SSBP3: variants seen among roughly 807,000 people sequenced by gnomAD.
The protein encoded by SSBP3 is single-stranded DNA-binding protein 3.
A neutral mutation model predicts 69.6 loss-of-function variants in SSBP3; 5 were observed. That is an observed-to-expected ratio of 0.07 (90% CI 0.04 to 0.15). The LOEUF (loss-of-function observed/expected upper bound fraction) is 0.15. Ranked by LOEUF, SSBP3 falls within the 10% of genes least tolerant of loss-of-function variation. The pLI, the probability that SSBP3 is intolerant of heterozygous loss-of-function variation, is 1.00. For missense variants in SSBP3, 312 were observed against 534.0 expected (o/e 0.58, Z 4.10); for synonymous variants, 196 against 193.4 (o/e 1.01, Z -0.11).
intron 4 of SSBP3, among the ~76,000 whole-genome samples, chr1:54,339,478 T>C (rs546276763): frequency 9.4e-4 from 143 of 152,206 alleles, no homozygotes; most frequent in Non-Finnish European, 1.7e-3. Context: ...AAAACAGGAA[T>C]GATAGCAGTA....
intron 4 of SSBP3, among the ~76,000 whole-genome samples, chr1:54,327,217 A>AGG (rs1300749001): frequency 5.2e-5 from 7 of 134,066 alleles, no homozygotes; most frequent in African/African-American, 2.1e-4. Flanking sequence ...AAGAGAGGGA[A>AGG]AAGGAAGGAA....
intron 9 of SSBP3, among the ~76,000 whole-genome samples, chr1:54,244,536 T>C (rs1644701028): frequency 6.6e-6 from 1 of 152,218 alleles, no homozygotes; most frequent in Non-Finnish European, 1.5e-5. Flanking sequence ...CGTGAGCCAC[T>C]GTGCCCAGCC....
intron 1 of SSBP3, among the ~76,000 whole-genome samples, chr1:54,405,225 TC>T (rs1030184940): frequency 1.3e-5 from 2 of 152,124 alleles, no homozygotes; most frequent in Non-Finnish European, 2.9e-5. Flanking sequence ...CGCAAGCCAC[TC>T]GACCCCACAG....
chr1:54,241,729 C>T (rs966334821), intron 11 of SSBP3, among the ~76,000 whole-genome samples: 4 of 152,234 alleles, frequency 2.6e-5, no homozygotes, highest in Non-Finnish European at 5.9e-5. Context: ...ACTCCCCAGT[C>T]CTGGGAGGGA....
In SSBP3 at chr1:54,364,169, T is replaced by C. The variant is rs865993354; in HGVS notation, c.276+37692A>G. On this transcript the variant is annotated intron_variant, in intron 4 of 17. Transcript: ENST00000610401. The stretch of plus-strand genomic sequence containing the variant: ...TTTTATTGGGACACAACCACACCCA[T>C]TCATTTCTGTCCTGTCTATGGCTGA... 2.6e-5 allele frequency among the ~76,000 whole-genome samples: 4 copies of C among 152,224 alleles called. No homozygotes were observed. In the South Asian group the frequency reaches 6.2e-4, roughly 24 times the overall value.
chr1:54,241,056 C>T (rs1443364670), intron 12 of SSBP3, 97 bp from the exon 13 acceptor site: 4 of 1,358,838 alleles, frequency 2.9e-6, no homozygotes, highest in Non-Finnish European at 3.0e-6. Context: ...CAACTGCTCG[C>T]CCCAGGCCCA....
chr1:54,399,280 G>C (rs1177397821), intron 4 of SSBP3, among the ~76,000 whole-genome samples: 1 of 152,260 alleles, frequency 6.6e-6, no homozygotes, highest in Non-Finnish European at 1.5e-5. Flanking sequence ...CCATGGGCCT[G>C]CAGGGCCAAG....
intron 5 of SSBP3, among the ~76,000 whole-genome samples, chr1:54,261,220 G>A (rs1004167834): frequency 2.0e-5 from 3 of 152,254 alleles, no homozygotes; most frequent in African/African-American, 7.2e-5. Context: ...ATTTGCTTCT[G>A]CAAGGAACAT....
rs568673398 is a variant in SSBP3 at position 54,321,022 on chromosome 1, T to C, written c.277-39495A>G. Among the ~76,000 whole-genome samples, 18 of 152,266 alleles carry C rather than the reference T, an allele frequency of 1.2e-4. No homozygotes were observed. In the South Asian group the frequency reaches 3.7e-3, roughly 32 times the overall value. On this transcript the variant is annotated intron_variant, in intron 4 of 17. Coordinates refer to ENST00000610401, the Ensembl canonical transcript of SSBP3. ...TAGCAAGCAAAAGCAGCAAGGGGCA[T>C]GTCAGGCAGAAGAAAATGCACAGGC... is the stretch of plus-strand genomic sequence containing the variant.
intron 4 of SSBP3, among the ~76,000 whole-genome samples, chr1:54,372,620 G>A (rs1215989411): frequency 2.6e-5 from 4 of 152,108 alleles, no homozygotes; most frequent in African/African-American, 4.8e-5. Flanking sequence ...CCTGTGGCAG[G>A]ATCTAGGCTA....
At chr1:54,337,485 CTTTTTTTTTTTTTTTTTT>C (rs869039822) in intron 4 of SSBP3, among the ~76,000 whole-genome samples, 2 of 51,134 alleles carry the variant, frequency 3.9e-5, no homozygotes, top group Non-Finnish European at 6.5e-5. Flanking sequence ...TTTCCTCAAG[CTTTTTTTTTTTTTTTTTT>C]TTTTTTTTTT....
At chr1:54,297,787 C>T (rs577068847) in intron 4 of SSBP3, among the ~76,000 whole-genome samples, 4 of 152,306 alleles carry the variant, frequency 2.6e-5, no homozygotes, top group Middle Eastern at 3.4e-3. Context: ...TTCCCTGTAC[C>T]CATAAAACAA....
intron 4 of SSBP3, among the ~76,000 whole-genome samples, chr1:54,326,137 CTGA>C (rs1188887610): frequency 6.6e-6 from 1 of 152,160 alleles, no homozygotes; most frequent in Non-Finnish European, 1.5e-5. Context: ...TCAGGGTAAT[CTGA>C]TGATCGCAGT....
intron 4 of SSBP3, among the ~76,000 whole-genome samples, chr1:54,305,633 A>AAAAAG (rs1553135348): frequency 6.7e-6 from 1 of 148,832 alleles, no homozygotes; most frequent in African/African-American, 2.5e-5. Context: ...AAAAAAAAAA[A>AAAAAG]AGAGAGAGAG....
chr1:54,363,822 G>A (rs1646987074), intron 4 of SSBP3, among the ~76,000 whole-genome samples: 1 of 152,172 alleles, frequency 6.6e-6, no homozygotes, highest in African/African-American at 2.4e-5. Flanking sequence ...CTTAAAATAG[G>A]ATTTACCAAA....
At chr1:54,405,776 G>C (rs1446703594) in intron 1 of SSBP3, among the ~76,000 whole-genome samples, 177 bp downstream of exon 1, 2 of 150,800 alleles carry the variant, frequency 1.3e-5, no homozygotes, top group African/African-American at 4.9e-5. Context: ...CCAACAATGG[G>C]CTCTCCCACG....
intron 4 of SSBP3, among the ~76,000 whole-genome samples, chr1:54,361,388 A>G (rs1646949448): frequency 6.6e-6 from 1 of 152,156 alleles, no homozygotes; most frequent in Non-Finnish European, 1.5e-5. Flanking sequence ...AATTAAACAG[A>G]TAGAGGTTTA....
chr1:54,251,938 C>T (rs1296146032), intron 7 of SSBP3, 78 bp from the exon 8 acceptor site: 1 of 1,237,648 alleles, frequency 8.1e-7, no homozygotes, highest in East Asian at 2.4e-5. Context: ...ACCTGTCCCA[C>T]CCAGTGCCCC....
chr1:54,411,145 G>C (rs1649979506), upstream of SSBP3, among the ~76,000 whole-genome samples: 1 of 152,170 alleles, frequency 6.6e-6, no homozygotes, highest in South Asian at 2.1e-4. Flanking sequence ...GCTCAGCCTT[G>C]TTTTGTTTTG....
Sources: gnomAD v4.1 joint callset for allele counts (sites outside exome capture counted in the v4.1 genomes callset) on GRCh38, gnomAD v4.1.1 for gene constraint, MANE v1.5 for transcripts, NCBI Gene and HGNC (gene_info 2026-07-23, HGNC 2026-07-21) for gene names.